Variants in BABAM2 observed in about 807,000 individuals in gnomAD.
The protein encoded by BABAM2 is BRISC and BRCA1 A complex member 2, also known as BRISC and BRCA1-A complex member 2.
Under a neutral mutation model 54.7 loss-of-function variants are expected in BABAM2, and 31 were observed. The ratio of observed to expected loss-of-function variants is 0.57; its 90% CI spans 0.43 to 0.77. The LOEUF (loss-of-function observed/expected upper bound fraction) is 0.77, where lower values mean the gene tolerates loss of function less well. Ranked by LOEUF, BABAM2 falls within the 30% of genes least tolerant of loss-of-function variation. BABAM2 has a pLI of 0.00. For missense variants in BABAM2, 364 were observed against 455.8 expected, an observed-to-expected ratio of 0.80 and a Z score of 1.83; for synonymous variants, 167 against 162.9, an observed-to-expected ratio of 1.03 and a Z score of -0.19.
chr2:27,900,846 A>G (rs1425563026), intron 2 of BABAM2, among the ~76,000 whole-genome samples: 2 of 152,102 alleles, frequency 1.3e-5, no homozygotes, highest in East Asian at 1.9e-4. Flanking sequence ...GATCGAGGTC[A>G]TCCTGGCTAA....
rs185229418 is a variant in BABAM2, at chr2:28,225,576, A to G, written c.681-11626A>G. 3.9e-5 allele frequency among the ~76,000 whole-genome samples: 6 copies of G among 152,266 alleles called. No homozygotes were observed. The East Asian group carries it at 1.2e-3, about 29-fold the overall frequency. Reference sequence around the variant, plus strand: ...ATGTTAATATTTCTGAGGATCAGTCACCAACTAACAGCTAGTATTTTGGGT... The same window carrying G: ...ATGTTAATATTTCTGAGGATCAGTCGCCAACTAACAGCTAGTATTTTGGGT... On this transcript the variant is annotated intron_variant, in intron 7 of 11. Transcript: ENST00000379624.
chr2:28,245,397 A>C (rs909128676), intron 10 of BABAM2, among the ~76,000 whole-genome samples: 1 of 152,230 alleles, frequency 6.6e-6, no homozygotes, highest in Non-Finnish European at 1.5e-5. Flanking sequence ...AATGTAATAC[A>C]TAACTTAAAG....
chr2:28,108,434 G>A (rs755147607), intron 6 of BABAM2, among the ~76,000 whole-genome samples: 6 of 152,132 alleles, frequency 3.9e-5, no homozygotes, highest in South Asian at 2.1e-4. Flanking sequence ...TCATAAGCAC[G>A]AAACTATAAA....
chr2:28,112,179 C>CTTCCTTCCTTCCT (rs1477831223), intron 6 of BABAM2, among the ~76,000 whole-genome samples: 1 of 64,674 alleles, frequency 1.5e-5, no homozygotes, highest in African/African-American at 6.8e-5. Flanking sequence ...CCCTCCCTCC[C>CTTCCTTCCTTCCT]TCCCTCCCTC....
chr2:28,253,766 AT>A, intron 10 of BABAM2, among the ~76,000 whole-genome samples: 1 of 152,330 alleles, frequency 6.6e-6, no homozygotes, highest in Admixed American at 6.5e-5. Context: ...TCAGAGAGAT[AT>A]GGAGACTATC....
intron 7 of BABAM2, among the ~76,000 whole-genome samples, chr2:28,173,001 C>T (rs758329186): frequency 1.3e-5 from 2 of 152,176 alleles, no homozygotes; most frequent in Non-Finnish European, 2.9e-5. Context: ...GCCGTGTCCT[C>T]TTATGGCAGA....
At chr2:28,258,705 C>T (rs1684207835) in intron 10 of BABAM2, among the ~76,000 whole-genome samples, 1 of 145,306 alleles carries the variant, frequency 6.9e-6, no homozygotes. Context: ...CTCTACCTCC[C>T]AGGCTCAAGT....
chr2:28,180,964 G>A (rs147652729), intron 7 of BABAM2, among the ~76,000 whole-genome samples: 62 of 152,200 alleles, frequency 4.1e-4, no homozygotes, highest in African/African-American at 1.4e-3. Context: ...AACAACAGAT[G>A]TCTAGTGAAG....
chr2:27,969,809 G>C (rs1012801429), intron 3 of BABAM2, among the ~76,000 whole-genome samples: 4 of 152,152 alleles, frequency 2.6e-5, no homozygotes, highest in African/African-American at 4.8e-5. Flanking sequence ...TAGAGACCAG[G>C]GATGCTGCTT....
At chr2:27,946,925 AC>A (rs760494646) in intron 3 of BABAM2, among the ~76,000 whole-genome samples, 49 of 151,972 alleles carry the variant, frequency 3.2e-4, no homozygotes, top group Non-Finnish European at 6.3e-4. Flanking sequence ...TGCCTGTGTG[AC>A]CTGTACTCAT....
In BABAM2 at chr2:27,904,426, A is replaced by C. The variant is rs544550069; in HGVS notation, c.128+9742A>C. Among the ~76,000 whole-genome samples, 269 of 152,294 alleles carry C rather than the reference A, an allele frequency of 1.8e-3. 2 individuals carry two copies. The highest frequency in any genetic ancestry group is 6.0e-3 in the African/African-American group (248 of 41,548). On this transcript the variant is annotated intron_variant, in intron 2 of 11. Transcript: ENST00000379624. ...TTTTATTTTATGGTCCCAGAGAAAG[A>C]CCTCCAGATAATCAATCTGGCAGTC...
At chr2:28,110,043 C>G (rs759651407) in intron 6 of BABAM2, among the ~76,000 whole-genome samples, 1 of 152,126 alleles carries the variant, frequency 6.6e-6, no homozygotes, top group Non-Finnish European at 1.5e-5. Flanking sequence ...AATCATCCCC[C>G]TGGAAACCAC....
At chr2:28,170,553 G>A (rs976131752) in intron 7 of BABAM2, among the ~76,000 whole-genome samples, 1 of 151,794 alleles carries the variant, frequency 6.6e-6, no homozygotes, top group Non-Finnish European at 1.5e-5. Context: ...TGAAAATAAA[G>A]AAAAATTAAA....
chr2:27,930,717 T>C (rs1278791921), intron 3 of BABAM2, among the ~76,000 whole-genome samples: 1 of 152,240 alleles, frequency 6.6e-6, no homozygotes, highest in African/African-American at 2.4e-5. Context: ...AGATCTGTCA[T>C]TGGACTTAGC....
At chr2:27,967,323 A>G (rs919869108) in intron 3 of BABAM2, among the ~76,000 whole-genome samples, 17 of 152,092 alleles carry the variant, frequency 1.1e-4, no homozygotes, top group Non-Finnish European at 2.4e-4. Flanking sequence ...TGATGGTTCT[A>G]TAAGGGGGAA....
intron 5 of BABAM2, among the ~76,000 whole-genome samples, chr2:28,037,703 G>T (rs1324398901): frequency 6.6e-6 from 1 of 152,134 alleles, no homozygotes; most frequent in Non-Finnish European, 1.5e-5. Flanking sequence ...CCACAGTATT[G>T]TCAACAGTAT....
At chr2:28,331,536 C>T (rs1288426488) in intron 11 of BABAM2, among the ~76,000 whole-genome samples, 25 of 152,148 alleles carry the variant, frequency 1.6e-4, no homozygotes, top group Admixed American at 1.6e-3. Flanking sequence ...CAAAAGAAGA[C>T]ATTTATGCAG....
intron 11 of BABAM2, among the ~76,000 whole-genome samples, chr2:28,333,519 T>G (rs1357054347): frequency 6.6e-6 from 1 of 152,232 alleles, no homozygotes. Context: ...GGGCCAGCCC[T>G]GCTTCTGCTC....
At chr2:28,050,220 C>T (rs879504292) in intron 6 of BABAM2, among the ~76,000 whole-genome samples, 7 of 152,206 alleles carry the variant, frequency 4.6e-5, no homozygotes, top group Admixed American at 2.0e-4. Flanking sequence ...TGAAAAACTA[C>T]TATCTTTTAA....
Sources: gnomAD v4.1 joint callset for allele counts (sites outside exome capture counted in the v4.1 genomes callset) on GRCh38, gnomAD v4.1.1 for gene constraint, MANE v1.5 for transcripts, NCBI Gene and HGNC (gene_info 2026-07-23, HGNC 2026-07-21) for gene names.